Variants in UBR7 observed in about 807,000 individuals in gnomAD.
UBR7 encodes ubiquitin protein ligase E3 component n-recognin 7.
Under a neutral mutation model 57.0 loss-of-function variants are expected in UBR7, and 22 were observed. The observed-to-expected ratio is 0.39, with a 90% CI of 0.28 to 0.55. The LOEUF (loss-of-function observed/expected upper bound fraction) is 0.55, where lower values mean the gene tolerates loss of function less well. UBR7 is among the 20% of genes least tolerant of loss of function. The probability of loss-of-function intolerance (pLI) is 0.69; values close to 1 mark genes in which losing one functional copy is unlikely to be tolerated. For missense variants in UBR7, 395 were observed against 513.2 expected (o/e 0.77, Z 2.23); for synonymous variants, 167 against 179.8 (o/e 0.93, Z 0.57).
At chr14:93,224,444 T>C (rs1412717363) in intron 10 of UBR7, among the ~76,000 whole-genome samples, 1 of 147,308 alleles carries the variant, frequency 6.8e-6, no homozygotes, top group Admixed American at 6.9e-5. Flanking sequence ...AGTGGCGTGA[T>C]CTCGGCTCAC....
chr14:93,219,131 A>G (rs1375732320), intron 7 of UBR7, 81 bp from the exon 8 acceptor site: 3 of 1,501,102 alleles, frequency 2.0e-6, no homozygotes, highest in African/African-American at 2.8e-5. Context: ...TCCTTTGCCT[A>G]AAGAAATCTC....
At position 93,212,009 on chromosome 14, in the gene UBR7, T is replaced by C. The variant is rs765262896; in HGVS notation, c.346-23T>C. On this transcript the variant is annotated intron_variant, in intron 3 of 10. Transcript: ENST00000013070. ...TAGTTAAAATTAGACCATATTATTA[T>C]TGAAATCAATATTATATTTCAGGAC... The C allele has an allele frequency of 2.6e-6, 4 of 1,534,578 alleles. No homozygotes were observed. In the South Asian group the frequency reaches 3.4e-5, roughly 13 times the overall value.
In UBR7 at chr14:93,229,070, A is replaced by G; in HGVS notation, c.*2035A>G. On this transcript the variant is annotated 3_prime_UTR_variant, in exon 11 of 11. Transcript: ENST00000013070. ...TGGCCAACATATTAATGCATGTTTT[A>G]TGCAAAACACAAATATGATATTAGT... 2.5e-6 allele frequency: 1 copy of G among 393,978 alleles called. No homozygotes were observed. Among genetic ancestry groups the G allele is most frequent in the Non-Finnish European group, 5.0e-6 (1 of 198,920 alleles). 24.4% of individuals were successfully genotyped at this position (393,978 alleles called of 1,614,324 possible). A position where few individuals can be genotyped will look rare whatever the true frequency, so the allele number is the denominator to read the frequency against.
intron 7 of UBR7, 23 bp from the exon 8 acceptor site, chr14:93,219,189 T>C (rs1290509857): frequency 5.0e-6 from 8 of 1,613,234 alleles, no homozygotes; most frequent in Admixed American, 1.7e-5. Flanking sequence ...AAAAACATGC[T>C]TCAAAACTTA....
At chr14:93,216,151 C>T (rs960138354) in intron 6 of UBR7, among the ~76,000 whole-genome samples, 3 of 152,144 alleles carry the variant, frequency 2.0e-5, no homozygotes, top group Admixed American at 6.5e-5. Flanking sequence ...TCAGAGCCCT[C>T]GTGAATGGGA....
rs1297906484 is a variant in UBR7, at chr14:93,207,435, C to T, written c.144C>T (p.Tyr48=). The T allele has an allele frequency of 5.8e-6, 9 of 1,551,996 alleles. No homozygotes were observed. The Admixed American group carries it at 9.9e-5, about 17-fold the overall frequency. Residue 48 remains tyrosine, a synonymous_variant, in exon 1 of 11, where the codon TAC becomes TAT. Transcript: ENST00000013070. The stretch of plus-strand genomic sequence containing the variant: ...GCAGCGACTCCGAGAAGTGCTCCTA[C>T]TCTCAGGTGGGCGCGCGGCCCGGGC... ...LGGSDSEKCS[Y]SQGSVKRQAL... is the part of the protein sequence containing the mutation.
intron 3 of UBR7, among the ~76,000 whole-genome samples, 159 bp downstream of exon 3, chr14:93,210,867 A>G (rs903895147): frequency 3.3e-5 from 5 of 152,218 alleles, no homozygotes; most frequent in African/African-American, 4.8e-5. Flanking sequence ...TAGAAAAACT[A>G]TATAAACTGT....
intron 10 of UBR7, chr14:93,224,079 TG>T: frequency 1.4e-5 from 14 of 1,031,654 alleles, no homozygotes; most frequent in Non-Finnish European, 1.6e-5. Context: ...GTGTGGCATT[TG>T]GGGGTGGGCA....
chr14:93,212,897 A>G (rs1055530131), intron 4 of UBR7, among the ~76,000 whole-genome samples: 22 of 152,360 alleles, frequency 1.4e-4, no homozygotes, highest in African/African-American at 5.3e-4. Flanking sequence ...ATCCTCATAC[A>G]GTAATACAAC....
At chr14:93,219,451 AC>A in intron 8 of UBR7, 90 bp downstream of exon 8, 1 of 1,527,412 alleles carries the variant, frequency 6.5e-7, no homozygotes, top group Non-Finnish European at 9.0e-7. Flanking sequence ...CAATTTTTGT[AC>A]CAGAGGAAGA....
intron 6 of UBR7, among the ~76,000 whole-genome samples, chr14:93,217,100 C>G (rs760107781): frequency 6.6e-6 from 1 of 152,096 alleles, no homozygotes; most frequent in Admixed American, 6.6e-5. Context: ...AATCTCTGCT[C>G]ACTGTAACCT....
In UBR7 at chr14:93,227,198, G is replaced by A; in HGVS notation, c.*163G>A. On this transcript the variant is annotated 3_prime_UTR_variant, in exon 11 of 11. Coordinates refer to ENST00000013070, the MANE Select transcript of UBR7 (RefSeq NM_175748.4). The stretch of plus-strand genomic sequence containing the variant: ...TAGCTGCAGTAGCCACCGTGTGGAT[G>A]CTGACTTCACAGCCAGCGTCCTCTG... 2 of 646,776 alleles carry A rather than the reference G, an allele frequency of 3.1e-6. No homozygotes were observed. The highest frequency in any genetic ancestry group is 5.7e-6 in the Non-Finnish European group (2 of 352,104). 40.1% of individuals were successfully genotyped at this position (646,776 alleles called of 1,614,324 possible).
chr14:93,224,372 C>CTTTTTTTTTTTTTTTTTTTTTTTTT (rs761189322), intron 10 of UBR7, among the ~76,000 whole-genome samples: 1 of 93,792 alleles, frequency 1.1e-5, no homozygotes, highest in African/African-American at 5.1e-5. Flanking sequence ...CCTTACAGTT[C>CTTTTTTTTTTTTTTTTTTTTTTTTT]TTTTTTTTTT....
intron 10 of UBR7, chr14:93,223,707 G>A: frequency 1.1e-6 from 1 of 949,596 alleles, no homozygotes; most frequent in East Asian, 2.5e-5. Flanking sequence ...CTGCTTGATG[G>A]CCGGCCGGCT....
intron 10 of UBR7, chr14:93,224,040 CAA>C (rs1894776958): frequency 1.0e-6 from 1 of 980,776 alleles, no homozygotes; most frequent in South Asian, 1.3e-5. Context: ...TGATTAGGCG[CAA>C]AGATTCGCAT....
chr14:93,209,105 G>A (rs1489648179), intron 1 of UBR7, among the ~76,000 whole-genome samples: 1 of 152,118 alleles, frequency 6.6e-6, no homozygotes, highest in Non-Finnish European at 1.5e-5. Flanking sequence ...GAGCCACCGT[G>A]CCCAGCCTAC....
At chr14:93,223,670 G>A (rs112955370) in intron 10 of UBR7, 16 of 1,360,020 alleles carry the variant, frequency 1.2e-5, no homozygotes, top group South Asian at 6.0e-5. Flanking sequence ...GTGGGGCAGC[G>A]GGAAACTTGA....
At chr14:93,225,545 A>C (rs1894832649) in intron 10 of UBR7, among the ~76,000 whole-genome samples, 1 of 151,838 alleles carries the variant, frequency 6.6e-6, no homozygotes, top group Non-Finnish European at 1.5e-5. Flanking sequence ...AGATCGGAGG[A>C]TCGCTTGAGC....
At chr14:93,217,744 C>T (rs1024900235) in intron 6 of UBR7, among the ~76,000 whole-genome samples, 1 of 152,146 alleles carries the variant, frequency 6.6e-6, no homozygotes, top group Non-Finnish European at 1.5e-5. Context: ...CTCAGTATTT[C>T]GGAGACTACG....
Sources: gnomAD v4.1 joint callset for allele counts (sites outside exome capture counted in the v4.1 genomes callset) on GRCh38, gnomAD v4.1.1 for gene constraint, MANE v1.5 for transcripts, NCBI Gene and HGNC (gene_info 2026-07-23, HGNC 2026-07-21) for gene names.